The following TNIK variants were observed in gnomAD, a reference collection of about 807,000 sequenced individuals.
TNIK encodes TRAF2 and NCK-interacting protein kinase.
Under a neutral mutation model 191.3 loss-of-function variants are expected in TNIK, and 49 were observed. The ratio of observed to expected loss-of-function variants is 0.26; its 90% CI spans 0.20 to 0.32. The LOEUF (loss-of-function observed/expected upper bound fraction) is 0.32. Among genes scored for constraint, TNIK ranks in the 10% least tolerant of loss-of-function variants. The pLI is 1.00. For missense variants in TNIK, 1,155 were observed against 1,702.3 expected (o/e 0.68, Z 5.66); for synonymous variants, 594 against 600.9 (o/e 0.99, Z 0.17).
At chr3:171,287,869 G>A (rs1017840531) in intron 2 of TNIK, among the ~76,000 whole-genome samples, 2 of 151,984 alleles carry the variant, frequency 1.3e-5, no homozygotes, top group South Asian at 2.1e-4. Flanking sequence ...ACATGCACAC[G>A]TATGTTTATT....
chr3:171,238,854 T>C (rs1235738638), intron 2 of TNIK, among the ~76,000 whole-genome samples: 1 of 152,216 alleles, frequency 6.6e-6, no homozygotes, highest in South Asian at 2.1e-4. Context: ...AGTAGAATCT[T>C]ACATGTAAAA....
chr3:171,388,998 A>G (rs919863021), intron 1 of TNIK, among the ~76,000 whole-genome samples: 8 of 152,184 alleles, frequency 5.3e-5, no homozygotes, highest in Non-Finnish European at 1.0e-4. Context: ...CATTTCTTGT[A>G]TACTTACTAT....
chr3:171,074,256 A>G (rs1035473955), intron 28 of TNIK, among the ~76,000 whole-genome samples: 1 of 152,166 alleles, frequency 6.6e-6, no homozygotes, highest in African/African-American at 2.4e-5. Context: ...AGGGTAAAAT[A>G]ACCCAGAAAC....
intron 2 of TNIK, among the ~76,000 whole-genome samples, chr3:171,252,925 C>A (rs938133395): frequency 3.3e-5 from 5 of 152,046 alleles, no homozygotes; most frequent in Admixed American, 6.5e-5. Flanking sequence ...AGAAGCATTT[C>A]ATGTTTTAGA....
intron 18 of TNIK, among the ~76,000 whole-genome samples, chr3:171,114,727 C>T (rs1726408965): frequency 6.6e-6 from 1 of 152,142 alleles, no homozygotes; most frequent in African/African-American, 2.4e-5. Flanking sequence ...AAATCAGTTG[C>T]AGAGTGATCA....
chr3:171,208,928 A>C (rs1328403386), intron 4 of TNIK, among the ~76,000 whole-genome samples: 1 of 152,172 alleles, frequency 6.6e-6, no homozygotes, highest in East Asian at 1.9e-4. Context: ...AATGTCTGCA[A>C]TGTCCCGTAA....
At chr3:171,341,451 G>A (rs1409559158) in intron 2 of TNIK, among the ~76,000 whole-genome samples, 26 of 107,880 alleles carry the variant, frequency 2.4e-4, no homozygotes, top group East Asian at 3.2e-4. Context: ...CAGCCTGGCC[G>A]ACAGAGCGAG....
chr3:171,229,018 A>G (rs953391011), intron 2 of TNIK, among the ~76,000 whole-genome samples: 27 of 152,208 alleles, frequency 1.8e-4, no homozygotes, highest in African/African-American at 6.5e-4. Flanking sequence ...TATTGCTGCT[A>G]TCAGGCAATA....
At chr3:171,088,644 C>T (rs376725331) in intron 23 of TNIK, among the ~76,000 whole-genome samples, 13 of 152,290 alleles carry the variant, frequency 8.5e-5, no homozygotes, top group East Asian at 3.9e-4. Context: ...GATAGGATTA[C>T]GTGATGTAAC....
intron 12 of TNIK, among the ~76,000 whole-genome samples, chr3:171,153,229 T>C (rs1732705098): frequency 6.6e-6 from 1 of 152,132 alleles, no homozygotes; most frequent in African/African-American, 2.4e-5. Flanking sequence ...ACTCTCCAGG[T>C]GTTCCTTCCA....
chr3:171,202,270 A>G (rs1031213572), intron 4 of TNIK, among the ~76,000 whole-genome samples: 2 of 152,134 alleles, frequency 1.3e-5, no homozygotes, highest in Non-Finnish European at 2.9e-5. Context: ...AGATCCAATC[A>G]TAGAAGCTAA....
At chr3:171,278,210 C>T (rs943994909) in intron 2 of TNIK, among the ~76,000 whole-genome samples, 2 of 152,196 alleles carry the variant, frequency 1.3e-5, no homozygotes, top group Non-Finnish European at 2.9e-5. Flanking sequence ...TCCCTCTCTC[C>T]CTTTCACAAT....
chr3:171,452,729 AACACACACACACACAC>A (rs10602125), intron 1 of TNIK, among the ~76,000 whole-genome samples: 31 of 142,642 alleles, frequency 2.2e-4, no homozygotes, highest in African/African-American at 5.4e-4. Flanking sequence ...ACACACTCCA[AACACACACACACACAC>A]ACACACACAC....
intron 23 of TNIK, among the ~76,000 whole-genome samples, chr3:171,093,134 T>C (rs897965098): frequency 2.0e-5 from 3 of 152,154 alleles, no homozygotes; most frequent in African/African-American, 7.2e-5. Context: ...CAAACTTGCA[T>C]GGTGATGATG....
intron 2 of TNIK, among the ~76,000 whole-genome samples, chr3:171,326,944 A>C (rs1289151107): frequency 1.3e-5 from 2 of 152,006 alleles, no homozygotes; most frequent in African/African-American, 4.8e-5. Context: ...AGAATCATCT[A>C]CTCCTACAGG....
chr3:171,300,146 A>T (rs1260588538), intron 2 of TNIK, among the ~76,000 whole-genome samples: 2 of 152,232 alleles, frequency 1.3e-5, no homozygotes, highest in Non-Finnish European at 2.9e-5. Context: ...AATGTTTCTG[A>T]CTTGGGAGTG....
chr3:171,392,741 T>C (rs1344509107), intron 1 of TNIK, among the ~76,000 whole-genome samples: 1 of 138,862 alleles, frequency 7.2e-6, no homozygotes, highest in Non-Finnish European at 1.5e-5. Flanking sequence ...ATCGTGCCAT[T>C]GCACTCCAGC....
chr3:171,268,741 G>A (rs1355275032), intron 2 of TNIK, among the ~76,000 whole-genome samples: 1 of 152,096 alleles, frequency 6.6e-6, no homozygotes, highest in Non-Finnish European at 1.5e-5. Flanking sequence ...GCTGGGTGGT[G>A]TGCTGCAAGG....
At position 171,159,396 on chromosome 3, in the gene TNIK, G is replaced by C. The variant is rs1733675588; in HGVS notation, c.1017-1732C>G. ...ACAAGAGGACCAAGGATCGGTTTTG[G>C]AGAGTAGTTAGTGTGCTGTGTGAGA... is the stretch of plus-strand genomic sequence containing the variant. On this transcript the variant is annotated intron_variant, in intron 11 of 32. Transcript: ENST00000436636. The surrounding 1 kb of genome is among the most constrained non-coding windows in gnomAD (Gnocchi z 4.1). 9.4e-6 allele frequency among the ~76,000 whole-genome samples: 1 copy of C among 106,574 alleles called. No homozygotes were observed. The highest frequency in any genetic ancestry group is 3.7e-4 in the South Asian group (1 of 2,714). 69.9% of individuals were successfully genotyped at this position (106,574 alleles called of 152,430 possible). A position where few individuals can be genotyped will look rare whatever the true frequency, so the allele number is the denominator to read the frequency against.
Sources: allele counts gnomAD v4.1 joint callset (sites outside exome capture counted in the v4.1 genomes callset), GRCh38; gene constraint gnomAD v4.1.1; non-coding constraint Gnocchi (gnomAD v3.1); transcripts MANE v1.5; gene names NCBI Gene and HGNC (gene_info 2026-07-23, HGNC 2026-07-21).